The following RGS7 variants were observed in gnomAD, a reference collection of about 807,000 sequenced individuals.
RGS7 encodes regulator of G protein signaling 7.
RGS7 carries 27 observed loss-of-function variants against 81.1 expected under a neutral mutation model. The ratio of observed to expected loss-of-function variants is 0.33; its 90% CI spans 0.25 to 0.46. The LOEUF (loss-of-function observed/expected upper bound fraction) is 0.46, where lower values mean the gene tolerates loss of function less well. Among genes scored for constraint, RGS7 ranks in the 20% least tolerant of loss-of-function variants. RGS7 has a pLI of 1.00. For missense variants in RGS7, 396 were observed against 607.4 expected (o/e 0.65, Z 3.66); for synonymous variants, 208 against 207.7 (o/e 1.00, Z -0.01).
At chr1:240,826,684 G>A (rs1387295814) in intron 10 of RGS7, among the ~76,000 whole-genome samples, 1 of 152,114 alleles carries the variant, frequency 6.6e-6, no homozygotes, top group African/African-American at 2.4e-5. Flanking sequence ...CCTGCACACC[G>A]ATATTCTCTC....
At chr1:240,910,722 A>G (rs1367093399) in intron 6 of RGS7, among the ~76,000 whole-genome samples, 1 of 152,064 alleles carries the variant, frequency 6.6e-6, no homozygotes, top group African/African-American at 2.4e-5. Flanking sequence ...TTATGTGTCA[A>G]TTAATTTTTT....
chr1:241,095,846 C>T (rs371950919), intron 3 of RGS7, among the ~76,000 whole-genome samples: 8 of 152,226 alleles, frequency 5.3e-5, no homozygotes, highest in African/African-American at 1.2e-4. Flanking sequence ...AGTCATTCTA[C>T]GGTGGCATAG....
intron 5 of RGS7, among the ~76,000 whole-genome samples, chr1:240,932,962 C>T (rs889279823): frequency 8.1e-5 from 11 of 135,540 alleles, no homozygotes; most frequent in Admixed American, 7.3e-4. Context: ...CGGCTCACTG[C>T]AAGCTCCGCC....
At chr1:241,068,541 T>A (rs1474962541) in intron 3 of RGS7, among the ~76,000 whole-genome samples, 1 of 151,918 alleles carries the variant, frequency 6.6e-6, no homozygotes. Flanking sequence ...AGAAGCACCA[T>A]AAAACTGGGG....
At chr1:240,859,607 C>T (rs1182685734) in intron 9 of RGS7, among the ~76,000 whole-genome samples, 3 of 151,594 alleles carry the variant, frequency 2.0e-5, no homozygotes, top group Admixed American at 2.0e-4. Flanking sequence ...TCCCTTTATT[C>T]CTTAGTTAAC....
intron 9 of RGS7, among the ~76,000 whole-genome samples, chr1:240,837,791 A>G (rs1201523285): frequency 1.3e-5 from 2 of 152,226 alleles, no homozygotes; most frequent in Admixed American, 1.3e-4. Context: ...AGTACTGGTG[A>G]CTTACATGGT....
At chr1:241,091,101 T>C (rs1216364175) in intron 3 of RGS7, among the ~76,000 whole-genome samples, 1 of 152,206 alleles carries the variant, frequency 6.6e-6, no homozygotes, top group Non-Finnish European at 1.5e-5. Context: ...GACCCTCTAT[T>C]TCCTTCTCTA....
intron 6 of RGS7, among the ~76,000 whole-genome samples, chr1:240,882,846 C>T (rs530245737): frequency 5.9e-5 from 9 of 152,256 alleles, no homozygotes; most frequent in South Asian, 4.2e-4. Context: ...ACTCTCACTG[C>T]GGAAATTGCT....
intron 2 of RGS7, among the ~76,000 whole-genome samples, chr1:241,287,852 G>A (rs1363514364): frequency 6.6e-6 from 1 of 152,082 alleles, no homozygotes; most frequent in African/African-American, 2.4e-5. Flanking sequence ...TCAGGCTTGG[G>A]CAAATGCAGG....
intron 18 of RGS7, among the ~76,000 whole-genome samples, chr1:240,789,885 C>G (rs1053682664): frequency 2.0e-5 from 3 of 152,156 alleles, no homozygotes; most frequent in African/African-American, 7.2e-5. Context: ...TATTCATACA[C>G]TCCCTCCCCT....
intron 6 of RGS7, among the ~76,000 whole-genome samples, chr1:240,917,579 T>G (rs1420797966): frequency 1.3e-5 from 2 of 152,182 alleles, no homozygotes; most frequent in Non-Finnish European, 2.9e-5. Context: ...TGTATATTGC[T>G]AACTCTAGAA....
intron 18 of RGS7, among the ~76,000 whole-genome samples, chr1:240,779,460 C>T (rs1683595860): frequency 6.6e-6 from 1 of 151,600 alleles, no homozygotes; most frequent in African/African-American, 2.4e-5. Context: ...AGGCCTAGTG[C>T]TCTTATAAAA....
chr1:241,327,130 GAAA>G (rs1208730880), intron 2 of RGS7, among the ~76,000 whole-genome samples: 12 of 101,930 alleles, frequency 1.2e-4, no homozygotes, highest in South Asian at 3.6e-4. Flanking sequence ...AAGAAAGAAA[GAAA>G]GAAAGAAAGA....
intron 2 of RGS7, among the ~76,000 whole-genome samples, chr1:241,277,480 G>A (rs916805983): frequency 6.6e-6 from 1 of 152,048 alleles, no homozygotes; most frequent in Non-Finnish European, 1.5e-5. Context: ...TTAGCCGGGC[G>A]TAGTGATGGG....
chr1:240,961,474 A>G (rs1558528520), intron 4 of RGS7, among the ~76,000 whole-genome samples: 1 of 152,188 alleles, frequency 6.6e-6, no homozygotes, highest in African/African-American at 2.4e-5. Context: ...GAAATTTACT[A>G]TTAATATGTG....
At chr1:240,869,303 T>C (rs1664054680) in intron 7 of RGS7, among the ~76,000 whole-genome samples, 1 of 152,086 alleles carries the variant, frequency 6.6e-6, no homozygotes, top group African/African-American at 2.4e-5. Flanking sequence ...ACACAGTGCT[T>C]TGAATTCAGA....
At chr1:241,287,110 C>T (rs2078849827) in intron 2 of RGS7, among the ~76,000 whole-genome samples, 1 of 152,198 alleles carries the variant, frequency 6.6e-6, no homozygotes, top group Non-Finnish European at 1.5e-5. Context: ...TGTCAGGAGT[C>T]TCAGCTCCAA....
chr1:240,911,813 G>A (rs963604935), intron 6 of RGS7, among the ~76,000 whole-genome samples: 1 of 152,068 alleles, frequency 6.6e-6, no homozygotes, highest in African/African-American at 2.4e-5. Context: ...ATCTGACTGT[G>A]ATTTTTCACT....
chr1:240,929,975 G>A (rs1448484667), intron 6 of RGS7, among the ~76,000 whole-genome samples: 6 of 152,184 alleles, frequency 3.9e-5, no homozygotes, highest in East Asian at 1.9e-4. Flanking sequence ...TCCCCTTTGC[G>A]AACCTAGCAT....
Sources: gnomAD v4.1 joint callset for allele counts (sites outside exome capture counted in the v4.1 genomes callset) on GRCh38, gnomAD v4.1.1 for gene constraint, MANE v1.5 for transcripts, NCBI Gene and HGNC (gene_info 2026-07-23, HGNC 2026-07-21) for gene names.